The following LFNG variants were observed in gnomAD, a reference collection of about 807,000 sequenced individuals.
LFNG encodes beta-1,3-N-acetylglucosaminyltransferase lunatic fringe.
A neutral mutation model predicts 32.7 loss-of-function variants in LFNG; 15 were observed. The ratio of observed to expected loss-of-function variants is 0.46; its 90% CI spans 0.31 to 0.71. The LOEUF (loss-of-function observed/expected upper bound fraction) is 0.71. Ranked by LOEUF, LFNG falls within the 30% of genes least tolerant of loss-of-function variation. The pLI is 0.06. For missense variants in LFNG, 520 were observed against 545.7 expected (o/e 0.95, Z 0.47); for synonymous variants, 274 against 246.8 (o/e 1.11, Z -1.03).
At chr7:2,525,100 C>G in intron 2 of LFNG, 119 bp from the exon 3 acceptor site, 2 of 914,762 alleles carry the variant, frequency 2.2e-6, no homozygotes, top group Non-Finnish European at 3.4e-6. Flanking sequence ...CTACGGCCGC[C>G]GGGCCCAGCT....
Position 2,526,476 on chromosome 7 carries a change from G to A in LFNG, c.987+67G>A. The A allele has an allele frequency of 6.5e-7, 1 of 1,544,726 alleles. No individual in the cohort carries two copies. The highest frequency in any genetic ancestry group is 8.8e-7 in the Non-Finnish European group (1 of 1,132,718). On this transcript the variant is annotated intron_variant, in intron 6 of 7. Transcript: ENST00000222725. This position sits in a 1 kb window ranked among gnomAD's most constrained non-coding sequence, Gnocchi z 6.9. ...GGAAGGGACGTGTGGCTGCCGAGAGGGGCGCAGTGGGGTGGGGCACTGTTC... is the reference window on the plus strand; with the variant it reads ...GGAAGGGACGTGTGGCTGCCGAGAGAGGCGCAGTGGGGTGGGGCACTGTTC...
intron 1 of LFNG, chr7:2,512,746 C>T (rs775171661): frequency 3.8e-6 from 6 of 1,587,060 alleles, no homozygotes; most frequent in Admixed American, 1.7e-5. Context: ...CACTCAGAGC[C>T]GTCCCTCTTG....
upstream of LFNG, chr7:2,513,278 T>A: frequency 6.2e-7 from 1 of 1,612,740 alleles, no homozygotes; most frequent in Non-Finnish European, 8.5e-7. Flanking sequence ...GATGGATGAG[T>A]GGAGCCCAAC....
In LFNG at chr7:2,526,278, C is replaced by T. The variant is rs752671299; in HGVS notation, c.856C>T (p.Arg286Trp). The change falls in exon 6 of 8, where the codon CGG (arginine) becomes TGG (tryptophan). Residue 286 changes from arginine to tryptophan, a missense_variant. Arg to Trp is a moderately radical substitution (Grantham distance 101, BLOSUM62 -3). Coordinates refer to ENST00000222725, the MANE Select transcript of LFNG (RefSeq NM_001040167.2). This position sits in a 1 kb window ranked among gnomAD's most constrained non-coding sequence, Gnocchi z 6.9. Reference protein sequence around the residue: ...GHFMNTAERIRLPDDCTIGYI... With the variant: ...GHFMNTAERIWLPDDCTIGYI... ...CTTCATGAATACGGCTGAGCGGATC[C>T]GGCTGCCTGATGACTGCACCATCGG... The T allele has an allele frequency of 6.2e-6, 10 of 1,612,918 alleles. No homozygotes were observed. In the Admixed American group the frequency reaches 6.7e-5, roughly 11 times the overall value.
At chr7:2,524,793 C>T (rs373918412) in intron 2 of LFNG, 50 bp downstream of exon 2, 14 of 1,493,000 alleles carry the variant, frequency 9.4e-6, no homozygotes, top group Admixed American at 3.9e-5. Flanking sequence ...CATCCAGAGC[C>T]GAACGCTCCC....
upstream of LFNG, chr7:2,518,681 G>A (rs549372058): frequency 8.3e-6 from 13 of 1,558,920 alleles, no homozygotes; most frequent in African/African-American, 1.6e-4. Context: ...GGGCAGTTTA[G>A]CCACGGTGGT....
At position 2,519,947 on chromosome 7, in the gene LFNG, C is replaced by A. The variant is rs1779737355; in HGVS notation, c.86C>A (p.Pro29Gln). Residue 29 changes from proline (P) to glutamine (Q), a missense_variant, in exon 1 of 8, where the codon CCG (proline) becomes CAG (glutamine). Physicochemically the swap from Pro to Gln is moderately conservative, Grantham distance 76. Around this residue, in one of 3 missense-constraint regions of LFNG, gnomAD observed 360 missense variants for 354.7 expected, o/e 1.01. Transcript: ENST00000222725. Reference protein sequence around the residue: ...ACLLVLTADPPPPPLPAERGR... With the variant: ...ACLLVLTADPQPPPLPAERGR... ...CTGCTGGTGCTCACCGCCGACCCGC[C>A]GCCGCCTCCACTGCCCGCCGAGCGC... The A allele has an allele frequency of 3.0e-6, 3 of 1,014,060 alleles. No individual in the cohort carries two copies. Among genetic ancestry groups the A allele is most frequent in the South Asian group, 4.4e-5 (1 of 22,568 alleles). 62.8% of individuals were successfully genotyped at this position (1,014,060 alleles called of 1,614,324 possible).
chr7:2,513,064 C>T, upstream of LFNG: 1 of 1,240,174 alleles, frequency 8.1e-7, no homozygotes, highest in Non-Finnish European at 1.2e-6. Context: ...CCCCAGCCCA[C>T]AGTGGGTTCT....
upstream of LFNG, chr7:2,513,247 AGATGGATG>A (rs34637446): frequency 9.3e-5 from 147 of 1,584,094 alleles, no homozygotes; most frequent in African/African-American, 3.3e-4. Flanking sequence ...ACAGATGGAC[AGATGGATG>A]GATGGATGGA....
At chr7:2,513,160 C>T, upstream of LFNG, 1 of 1,613,678 alleles carries the variant, frequency 6.2e-7, no homozygotes, top group African/African-American at 1.3e-5. Flanking sequence ...CCCCCAGTGC[C>T]AAGCAGATCT....
At chr7:2,518,462 C>CG (rs769630477), upstream of LFNG, 27 of 814,528 alleles carry the variant, frequency 3.3e-5, no homozygotes, top group Admixed American at 8.7e-5. Context: ...GCGTCCTTAG[C>CG]GGGGGGAGAG....
At chr7:2,521,943 G>T (rs776506111) in intron 1 of LFNG, among the ~76,000 whole-genome samples, 1 of 152,176 alleles carries the variant, frequency 6.6e-6, no homozygotes, top group Non-Finnish European at 1.5e-5. Flanking sequence ...CTACTGGAGG[G>T]TCACCCCACC....
chr7:2,522,953 G>A (rs1779834536), intron 1 of LFNG, among the ~76,000 whole-genome samples: 1 of 152,202 alleles, frequency 6.6e-6, no homozygotes, highest in Non-Finnish European at 1.5e-5. Context: ...CCCTCCTGGT[G>A]GCTCAGGTGT....
chr7:2,528,269 A>C lies in LFNG; in HGVS notation c.*1057A>C, dbSNP rs1019791929. The C allele has an allele frequency of 4.1e-6, 4 of 986,072 alleles. No individual in the cohort carries two copies. The highest frequency in any genetic ancestry group is 4.8e-6 in the Non-Finnish European group (4 of 830,032). 61.1% of individuals were successfully genotyped at this position (986,072 alleles called of 1,614,324 possible). On this transcript the variant is annotated 3_prime_UTR_variant, in exon 8 of 8. Transcript: ENST00000222725. ...TAGCTGCCACCTCCCCGCTGGGCCC[A>C]GCATGGCTCACCTGTCCCGTGGGCT... is the stretch of plus-strand genomic sequence containing the variant.
chr7:2,524,594 CTGCAGCTGCAGCAACT>C, intron 1 of LFNG, 85 bp from the exon 2 acceptor site: 1 of 1,111,228 alleles, frequency 9.0e-7, no homozygotes, highest in South Asian at 1.3e-5. Context: ...TGTGACGCAG[CTGCAGCTGCAGCAACT>C]CCAGGGCGCC....
At chr7:2,528,595 C>T (rs1780068857), downstream of LFNG, among the ~76,000 whole-genome samples, 1 of 152,134 alleles carries the variant, frequency 6.6e-6, no homozygotes, top group Non-Finnish European at 1.5e-5. Flanking sequence ...CCTGGCGTCA[C>T]TATAGCTGCC....
At chr7:2,522,137 C>CG (rs993855730) in intron 1 of LFNG, among the ~76,000 whole-genome samples, 8 of 152,214 alleles carry the variant, frequency 5.3e-5, no homozygotes, top group South Asian at 2.1e-4. Context: ...CAGGGCTGTG[C>CG]GGGGGGAAAA....
chr7:2,522,238 ATTTGAGC>A (rs1237869425), intron 1 of LFNG, among the ~76,000 whole-genome samples: 1 of 152,206 alleles, frequency 6.6e-6, no homozygotes, highest in African/African-American at 2.4e-5. Flanking sequence ...AGGAGGCGCC[ATTTGAGC>A]TAGACTAAGA....
At position 2,525,617 on chromosome 7, in the gene LFNG, C is replaced by T. The variant is rs199749720; in HGVS notation, c.735+50C>T. On this transcript the variant is annotated intron_variant, in intron 4 of 7. Transcript: ENST00000222725. ...CCCACGCCCACGCGGAGCGCACACC[C>T]GGAGTGGGGGTGGGACCGTGAGGGG... is the stretch of plus-strand genomic sequence containing the variant. 1.1e-4 allele frequency: 179 copies of T among 1,611,664 alleles called. No individual in the cohort carries two copies. In the African/African-American group the frequency reaches 1.7e-3, roughly 15 times the overall value.
Sources: gnomAD v4.1 joint callset for allele counts (sites outside exome capture counted in the v4.1 genomes callset) on GRCh38, gnomAD v4.1.1 for gene constraint, gnomAD v4.1.1 regional missense constraint, Gnocchi (gnomAD v3.1) non-coding constraint, MANE v1.5 for transcripts, NCBI Gene and HGNC (gene_info 2026-07-23, HGNC 2026-07-21) for gene names.